Variants in LIPI observed in about 807,000 individuals in gnomAD.
LIPI encodes lipase member I.
Under a neutral mutation model 50.6 loss-of-function variants are expected in LIPI, and 59 were observed. The observed-to-expected ratio is 1.16, with a 90% CI of 0.94 to 1.45. The LOEUF is 1.45. LIPI is among the 40% of genes most tolerant of loss of function. The pLI, the probability that LIPI is intolerant of heterozygous loss-of-function variation, is 0.00. For synonymous variants in LIPI, 203 were observed against 178.2 expected (o/e 1.14, Z -1.11); for missense variants, 586 against 536.3 (o/e 1.09, Z -0.92).
At chr21:14,143,727 GA>G (rs1374733378) in intron 9 of LIPI, 1 of 152,122 alleles carries the variant, frequency 6.6e-6, no homozygotes, top group Admixed American at 6.6e-5. Context: ...TTATAAAAGA[GA>G]TTTTTAATAA....
At chr21:14,209,702 T>G (rs1042792659) in intron 1 of LIPI, among the ~76,000 whole-genome samples, 2 of 152,092 alleles carry the variant, frequency 1.3e-5, no homozygotes, top group Non-Finnish European at 2.9e-5. Context: ...AAATAAATAC[T>G]AATCAAAACA....
chr21:14,157,985 T>A (rs555308425), intron 7 of LIPI, among the ~76,000 whole-genome samples: 1 of 151,842 alleles, frequency 6.6e-6, no homozygotes, highest in Non-Finnish European at 1.5e-5. Flanking sequence ...AGTACTTATA[T>A]CCAGAGCTGT....
chr21:14,171,806 G>T (rs1243389968), intron 4 of LIPI, among the ~76,000 whole-genome samples: 1 of 151,482 alleles, frequency 6.6e-6, no homozygotes, highest in Non-Finnish European at 1.5e-5. Flanking sequence ...ATAGGCATGG[G>T]CAAGGACTTC....
intron 1 of LIPI, among the ~76,000 whole-genome samples, chr21:14,207,811 A>G (rs2020265155): frequency 6.6e-6 from 1 of 152,318 alleles, no homozygotes; most frequent in Non-Finnish European, 1.5e-5. Context: ...AACACAGTGG[A>G]TTATTCTAAC....
At chr21:14,157,915 G>T (rs1037736397) in intron 7 of LIPI, among the ~76,000 whole-genome samples, 2 of 151,800 alleles carry the variant, frequency 1.3e-5, no homozygotes, top group Non-Finnish European at 2.9e-5. Context: ...CTGTATTTGA[G>T]GGGGAGGTAA....
rs200952837 is a variant in LIPI at position 14,196,663 on chromosome 21, C to CA, written c.47-7245dup. ...GCAAGGTAGCAAGATGATGTCTTTACAAAAAAAAAGTAAAAATCTAGGTCT... is the reference window on the plus strand; with the variant it reads ...GCAAGGTAGCAAGATGATGTCTTTACAAAAAAAAAAGTAAAAATCTAGGTCT... On this transcript the variant is annotated intron_variant, in intron 1 of 9. Coordinates refer to ENST00000681601, the MANE Select transcript of LIPI (RefSeq NM_001302998.2). Among the ~76,000 whole-genome samples the CA allele has an allele frequency of 6.3e-4, 95 of 150,258 alleles. 1 individual carries two copies. Among genetic ancestry groups the CA allele is most frequent in the South Asian group, 6.1e-3 (29 of 4,764 alleles).
intron 9 of LIPI, among the ~76,000 whole-genome samples, chr21:14,134,876 T>C (rs2017432975): frequency 6.6e-6 from 1 of 152,064 alleles, no homozygotes; most frequent in Non-Finnish European, 1.5e-5. Flanking sequence ...CTTCTGGCCA[T>C]TGGCAAAGAA....
intron 3 of LIPI, among the ~76,000 whole-genome samples, chr21:14,182,926 T>A (rs1054469435): frequency 1.3e-5 from 2 of 152,102 alleles, no homozygotes; most frequent in Non-Finnish European, 2.9e-5. Context: ...TTCAATGCCA[T>A]CCCCATCAAG....
At chr21:14,150,067 A>G (rs1275724013) in intron 8 of LIPI, among the ~76,000 whole-genome samples, 1 of 152,190 alleles carries the variant, frequency 6.6e-6, no homozygotes, top group African/African-American at 2.4e-5. Flanking sequence ...GAGGTTCTCC[A>G]TGAGGGCTCT....
chr21:14,165,000 T>C (rs186489851), intron 6 of LIPI, among the ~76,000 whole-genome samples: 238 of 152,254 alleles, frequency 1.6e-3, no homozygotes, highest in African/African-American at 5.6e-3. Context: ...ACACTGAACA[T>C]AAAAAGGCAG....
rs1170587990 is a variant in LIPI, at chr21:14,161,628, TTAATATA to T, written c.1006+1784_1006+1790del. ...ATATATAATATACATATATAATATA[TTAATATA>T]TAATATATACATTATTATATATTAA... On this transcript the variant is annotated intron_variant, in intron 7 of 9. Transcript: ENST00000681601. Among the ~76,000 whole-genome samples the T allele has an allele frequency of 1.8e-5, 2 of 112,974 alleles. 1 individual carries two copies. The highest frequency in any genetic ancestry group is 7.4e-5 in the African/African-American group (2 of 27,192). 74.1% of individuals were successfully genotyped at this position (112,974 alleles called of 152,430 possible). A position where few individuals can be genotyped will look rare whatever the true frequency, so the allele number is the denominator to read the frequency against.
intron 8 of LIPI, among the ~76,000 whole-genome samples, chr21:14,151,589 C>T (rs763775579): frequency 2.0e-5 from 3 of 152,126 alleles, no homozygotes; most frequent in Non-Finnish European, 4.4e-5. Context: ...TTTTGAAAAT[C>T]GTTTCATCAT....
intron 9 of LIPI, among the ~76,000 whole-genome samples, chr21:14,117,993 A>G (rs1161346490): frequency 6.6e-6 from 1 of 151,934 alleles, no homozygotes; most frequent in Admixed American, 6.6e-5. Flanking sequence ...TCAGGAGACC[A>G]GGACAGGTCA....
chr21:14,164,415 A>T (rs188964066), intron 6 of LIPI, among the ~76,000 whole-genome samples: 19 of 152,296 alleles, frequency 1.2e-4, no homozygotes, highest in Admixed American at 6.5e-4. Flanking sequence ...CAAATTGGCA[A>T]TGCCTGAACA....
intron 9 of LIPI, among the ~76,000 whole-genome samples, chr21:14,139,689 T>G (rs1124254): frequency 0.15 from 22,382 of 152,100 alleles, 1,980 homozygotes; most frequent in South Asian, 0.22. Flanking sequence ...AGAGGATTGA[T>G]AGTGGAAGAG....
chr21:14,129,425 A>C (rs1234395871), intron 9 of LIPI, among the ~76,000 whole-genome samples: 2 of 152,118 alleles, frequency 1.3e-5, no homozygotes, highest in Non-Finnish European at 2.9e-5. Flanking sequence ...GGTAATAACT[A>C]TAATTGTGTC....
In LIPI at chr21:14,110,965, T is replaced by C. The variant is rs149238924; in HGVS notation, c.1296-1885A>G. On this transcript the variant is annotated intron_variant, in intron 9 of 9. Transcript: ENST00000681601. ...CTATATATATATAATATACATATTA[T>C]ATTTTTCTTACAGCTTCATCCACTA... is the stretch of plus-strand genomic sequence containing the variant. Among the ~76,000 whole-genome samples the C allele has an allele frequency of 2.2e-3, 322 of 148,760 alleles. 2 individuals are homozygous for C. Among genetic ancestry groups the C allele is most frequent in the Non-Finnish European group, 3.4e-3 (228 of 67,228 alleles).
intron 9 of LIPI, among the ~76,000 whole-genome samples, chr21:14,112,240 C>A (rs2016445699): frequency 6.6e-6 from 1 of 152,102 alleles, no homozygotes; most frequent in Non-Finnish European, 1.5e-5. Context: ...GTTACTATAG[C>A]TTTCTAATAT....
chr21:14,171,688 T>A (rs2018913850), intron 4 of LIPI, among the ~76,000 whole-genome samples: 1 of 151,864 alleles, frequency 6.6e-6, no homozygotes, highest in African/African-American at 2.4e-5. Context: ...ACTGGATCCC[T>A]TCCTTACACC....
Sources: gnomAD v4.1 joint callset for allele counts (sites outside exome capture counted in the v4.1 genomes callset) on GRCh38, gnomAD v4.1.1 for gene constraint, MANE v1.5 for transcripts, NCBI Gene and HGNC (gene_info 2026-07-23, HGNC 2026-07-21) for gene names.